NLGN1: variants seen among roughly 807,000 people sequenced by gnomAD.
NLGN1 encodes neuroligin 1.
Under a neutral mutation model 65.5 loss-of-function variants are expected in NLGN1, and 12 were observed. The ratio of observed to expected loss-of-function variants is 0.18; its 90% CI spans 0.12 to 0.30. The LOEUF is 0.30. Among genes scored for constraint, NLGN1 ranks in the 10% least tolerant of loss-of-function variants. The pLI, the probability that NLGN1 is intolerant of heterozygous loss-of-function variation, is 1.00. For missense variants in NLGN1, 750 were observed against 1,007.1 expected (o/e 0.74, Z 3.46); for synonymous variants, 350 against 359.5 (o/e 0.97, Z 0.30).
At chr3:173,960,998 T>C (rs1177036677) in intron 4 of NLGN1, among the ~76,000 whole-genome samples, 1 of 152,120 alleles carries the variant, frequency 6.6e-6, no homozygotes, top group Non-Finnish European at 1.5e-5. Context: ...CATATCTTTA[T>C]CTGTCTTTTT....
At chr3:173,830,341 C>T (rs943940265) in intron 4 of NLGN1, among the ~76,000 whole-genome samples, 2 of 152,132 alleles carry the variant, frequency 1.3e-5, no homozygotes, top group African/African-American at 4.8e-5. Flanking sequence ...GAATCTGTAT[C>T]ATCAAAATGA....
At chr3:173,491,128 T>C (rs1434584746) in intron 2 of NLGN1, among the ~76,000 whole-genome samples, 3 of 151,842 alleles carry the variant, frequency 2.0e-5, no homozygotes, top group African/African-American at 4.9e-5. Flanking sequence ...CTTCCAACAC[T>C]ATGTTGAATA....
At chr3:174,281,619 C>T (rs1384282530) in exon 7 of NLGN1, 1 of 237,728 alleles carries the variant, frequency 4.2e-6, no homozygotes, top group Admixed American at 5.0e-5. Context: ...AGAACTATGT[C>T]TGAAATATAA....
chr3:174,057,130 GA>G (rs11370171), intron 4 of NLGN1, among the ~76,000 whole-genome samples: 11 of 150,280 alleles, frequency 7.3e-5, no homozygotes, highest in Admixed American at 6.0e-4. Context: ...AGACTGAGGG[GA>G]AAAAAAAAGA....
intron 4 of NLGN1, among the ~76,000 whole-genome samples, chr3:173,978,772 G>T (rs1287276394): frequency 1.3e-5 from 2 of 150,094 alleles, no homozygotes; most frequent in Middle Eastern, 3.4e-3. Context: ...TAGGTGGGTG[G>T]ATCACTTGAG....
intron 4 of NLGN1, among the ~76,000 whole-genome samples, chr3:173,958,929 C>T (rs544827172): frequency 1.3e-5 from 2 of 152,338 alleles, no homozygotes; most frequent in Admixed American, 1.3e-4. Flanking sequence ...CATGCACGCA[C>T]CTGGCCGGGT....
intron 4 of NLGN1, among the ~76,000 whole-genome samples, chr3:174,084,574 G>C (rs929701566): frequency 6.6e-6 from 1 of 151,924 alleles, no homozygotes; most frequent in African/African-American, 2.4e-5. Context: ...CCAAAATAAG[G>C]GAGAGATTAT....
intron 2 of NLGN1, among the ~76,000 whole-genome samples, chr3:173,469,614 A>T (rs907307547): frequency 1.3e-4 from 19 of 151,900 alleles, no homozygotes; most frequent in African/African-American, 4.3e-4. Context: ...GTCCTCAGAA[A>T]GTTGGCATAT....
At chr3:173,505,926 G>A (rs768190391) in intron 2 of NLGN1, among the ~76,000 whole-genome samples, 1 of 152,008 alleles carries the variant, frequency 6.6e-6, no homozygotes, top group East Asian at 1.9e-4. Context: ...TACAGAATTT[G>A]TATGTATATA....
At chr3:174,042,888 AG>A (rs1217430624) in intron 4 of NLGN1, among the ~76,000 whole-genome samples, 3 of 152,144 alleles carry the variant, frequency 2.0e-5, no homozygotes, top group Non-Finnish European at 4.4e-5. Context: ...GCCCTGTATT[AG>A]TTCCTTCTCA....
chr3:173,472,564 G>A (rs1725485764), intron 2 of NLGN1, among the ~76,000 whole-genome samples: 1 of 151,900 alleles, frequency 6.6e-6, no homozygotes, highest in African/African-American at 2.4e-5. Flanking sequence ...TCAGTATCTA[G>A]TATTGTGCCT....
At chr3:173,599,303 A>G (rs921411525) in intron 2 of NLGN1, among the ~76,000 whole-genome samples, 8 of 152,184 alleles carry the variant, frequency 5.3e-5, no homozygotes, top group African/African-American at 1.4e-4. Context: ...GGCAAAGAAT[A>G]CAGTATGGCA....
chr3:173,769,282 AC>A (rs1779232475), intron 3 of NLGN1, among the ~76,000 whole-genome samples: 1 of 152,160 alleles, frequency 6.6e-6, no homozygotes, highest in Non-Finnish European at 1.5e-5. Flanking sequence ...CAGGAGAAAG[AC>A]CAAGCTAATT....
intron 4 of NLGN1, among the ~76,000 whole-genome samples, chr3:173,894,336 T>G (rs1184504955): frequency 6.6e-6 from 1 of 152,160 alleles, no homozygotes; most frequent in Non-Finnish European, 1.5e-5. Flanking sequence ...ACCAAGCTAA[T>G]TGCCAGGCAT....
At chr3:173,715,925 A>G (rs1769780087) in intron 3 of NLGN1, among the ~76,000 whole-genome samples, 1 of 152,106 alleles carries the variant, frequency 6.6e-6, no homozygotes, top group Non-Finnish European at 1.5e-5. Context: ...TGATTAATGT[A>G]TTTCAATTCT....
intron 2 of NLGN1, among the ~76,000 whole-genome samples, chr3:173,485,310 T>C (rs1156671281): frequency 1.3e-5 from 2 of 152,030 alleles, no homozygotes; most frequent in Non-Finnish European, 2.9e-5. Flanking sequence ...AGCCAAACCA[T>C]ATTAGTGACT....
chr3:173,542,985 T>C (rs1739151525), intron 2 of NLGN1, among the ~76,000 whole-genome samples: 1 of 152,128 alleles, frequency 6.6e-6, no homozygotes, highest in Non-Finnish European at 1.5e-5. Context: ...TCTTCAACTT[T>C]TATTTCACAG....
intron 4 of NLGN1, among the ~76,000 whole-genome samples, chr3:174,227,585 G>A (rs1739952804): frequency 6.6e-6 from 1 of 151,918 alleles, no homozygotes; most frequent in Admixed American, 6.6e-5. Flanking sequence ...TTAGGTAGAT[G>A]TAGTTTTCAT....
chr3:174,281,719 G>A (rs1042966624), exon 7 of NLGN1: 4 of 163,370 alleles, frequency 2.4e-5, no homozygotes, highest in Non-Finnish European at 2.7e-5. Context: ...ATTTGGAGCC[G>A]TTTTATTGTG....
Sources: gnomAD v4.1 joint callset for allele counts (sites outside exome capture counted in the v4.1 genomes callset) on GRCh38, gnomAD v4.1.1 for gene constraint, MANE v1.5 for transcripts, NCBI Gene and HGNC (gene_info 2026-07-23, HGNC 2026-07-21) for gene names.